BICC1: variants seen among roughly 807,000 people sequenced by gnomAD.
BICC1 encodes BicC family RNA binding protein 1, also known as protein bicaudal C homolog 1.
Under a neutral mutation model 111.0 loss-of-function variants are expected in BICC1, and 43 were observed. The ratio of observed to expected loss-of-function variants is 0.39; its 90% CI spans 0.30 to 0.50. The LOEUF (loss-of-function observed/expected upper bound fraction) is 0.50, where lower values mean the gene tolerates loss of function less well. Among genes scored for constraint, BICC1 ranks in the 20% least tolerant of loss-of-function variants. The pLI is 0.88. For synonymous variants in BICC1, 467 were observed against 434.4 expected (o/e 1.07, Z -0.93); for missense variants, 1,091 against 1,203.2 (o/e 0.91, Z 1.38).
intron 3 of BICC1, among the ~76,000 whole-genome samples, chr10:58,761,477 T>A (rs1186167922): frequency 1.3e-5 from 2 of 152,194 alleles, no homozygotes; most frequent in African/African-American, 4.8e-5. Context: ...TTTTTAGAGA[T>A]GGTTTATTGT....
At chr10:58,610,867 T>C (rs960531361) in intron 1 of BICC1, among the ~76,000 whole-genome samples, 13 of 152,192 alleles carry the variant, frequency 8.5e-5, no homozygotes, top group Admixed American at 5.9e-4. Flanking sequence ...CTAGATTGTT[T>C]ACTGTTTTCA....
chr10:58,548,476 A>T (rs1281284612), intron 1 of BICC1, among the ~76,000 whole-genome samples: 1 of 152,142 alleles, frequency 6.6e-6, no homozygotes, highest in Non-Finnish European at 1.5e-5. Context: ...TCCATCTTGG[A>T]TTCTCCAACC....
intron 1 of BICC1, among the ~76,000 whole-genome samples, chr10:58,594,348 G>A (rs1039184548): frequency 3.3e-5 from 5 of 151,990 alleles, no homozygotes; most frequent in African/African-American, 7.2e-5. Flanking sequence ...AAGACAGGTC[G>A]ACATTCAAAT....
At chr10:58,714,527 C>T (rs772968346) in intron 3 of BICC1, among the ~76,000 whole-genome samples, 14 of 152,168 alleles carry the variant, frequency 9.2e-5, no homozygotes, top group Non-Finnish European at 1.8e-4. Flanking sequence ...TGCTGGGGGA[C>T]AGACCTTCTA....
chr10:58,611,840 A>G (rs936625264), intron 1 of BICC1, among the ~76,000 whole-genome samples: 15 of 152,128 alleles, frequency 9.9e-5, no homozygotes, highest in African/African-American at 4.8e-5. Flanking sequence ...TGCATTTTTG[A>G]CCATGGGAAT....
chr10:58,823,790 G>A, intron 20 of BICC1: 1 of 985,234 alleles, frequency 1.0e-6, no homozygotes, highest in Non-Finnish European at 1.2e-6. Flanking sequence ...AACTTTTCCA[G>A]GCTGTGTACT....
intron 1 of BICC1, among the ~76,000 whole-genome samples, chr10:58,555,352 A>C (rs57485856): frequency 2.0e-4 from 27 of 133,252 alleles, no homozygotes; most frequent in African/African-American, 6.9e-4. Flanking sequence ...TGACCCTAGG[A>C]CGTAAGCAGC....
intron 1 of BICC1, among the ~76,000 whole-genome samples, chr10:58,543,835 A>T (rs1441684602): frequency 0.012 from 565 of 45,754 alleles, 1 homozygote; most frequent in Non-Finnish European, 0.024. Flanking sequence ...ACCATAATTA[A>T]AAAAAAAAAA....
At chr10:58,527,178 G>A (rs1342498836) in intron 1 of BICC1, among the ~76,000 whole-genome samples, 64 of 152,230 alleles carry the variant, frequency 4.2e-4, no homozygotes, top group African/African-American at 1.4e-3. Flanking sequence ...CTGATGGCCA[G>A]TGATGATGAA....
At chr10:58,784,727 G>A (rs372889497) in intron 3 of BICC1, among the ~76,000 whole-genome samples, 22 of 152,050 alleles carry the variant, frequency 1.4e-4, no homozygotes, top group African/African-American at 3.4e-4. Context: ...TTGCAATTAC[G>A]TGATATACTT....
chr10:58,720,716 A>G (rs547858450), intron 3 of BICC1, among the ~76,000 whole-genome samples: 1 of 152,246 alleles, frequency 6.6e-6, no homozygotes, highest in Non-Finnish European at 1.5e-5. Context: ...CCTTGTGAGA[A>G]CTCATCTACA....
chr10:58,763,483 T>A (rs143832860), intron 3 of BICC1, among the ~76,000 whole-genome samples: 1 of 152,186 alleles, frequency 6.6e-6, no homozygotes, highest in East Asian at 1.9e-4. Flanking sequence ...ATTACTATAT[T>A]TGAAGGAAAA....
intron 2 of BICC1, among the ~76,000 whole-genome samples, chr10:58,631,220 A>T (rs1264526310): frequency 6.6e-6 from 1 of 152,118 alleles, no homozygotes; most frequent in African/African-American, 2.4e-5. Flanking sequence ...ATGGCAGATA[A>T]ATATTTTCTA....
At chr10:58,540,639 C>T (rs1010141579) in intron 1 of BICC1, among the ~76,000 whole-genome samples, 1 of 151,928 alleles carries the variant, frequency 6.6e-6, no homozygotes, top group Non-Finnish European at 1.5e-5. Flanking sequence ...TGACAAAAGC[C>T]CAGGACCAGA....
At chr10:58,756,464 A>G (rs1228579857) in intron 3 of BICC1, among the ~76,000 whole-genome samples, 3 of 152,112 alleles carry the variant, frequency 2.0e-5, no homozygotes, top group Admixed American at 2.0e-4. Flanking sequence ...TCTTATATTT[A>G]GGACCAGTTT....
intron 2 of BICC1, among the ~76,000 whole-genome samples, chr10:58,633,846 T>A (rs1022167057): frequency 6.6e-6 from 1 of 152,114 alleles, no homozygotes; most frequent in Non-Finnish European, 1.5e-5. Flanking sequence ...TTTAGCACAC[T>A]CTGGTATTAG....
chr10:58,805,192 C>T (rs1823868378), intron 15 of BICC1, among the ~76,000 whole-genome samples: 1 of 152,046 alleles, frequency 6.6e-6, no homozygotes, highest in Non-Finnish European at 1.5e-5. Flanking sequence ...ACTTGGGAGG[C>T]CGAGATAGAA....
intron 1 of BICC1, among the ~76,000 whole-genome samples, chr10:58,518,823 C>T (rs1220312851): frequency 1.3e-5 from 2 of 152,152 alleles, no homozygotes; most frequent in Non-Finnish European, 2.9e-5. Context: ...CGTAGAGTTC[C>T]GTGAGGATGC....
chr10:58,542,935 A>G (rs1843034502), intron 1 of BICC1, among the ~76,000 whole-genome samples: 1 of 152,112 alleles, frequency 6.6e-6, no homozygotes, highest in African/African-American at 2.4e-5. Context: ...ATGTAAAGTG[A>G]TGCCACTAGG....
Sources: allele counts gnomAD v4.1 joint callset (sites outside exome capture counted in the v4.1 genomes callset), GRCh38; gene constraint gnomAD v4.1.1; transcripts MANE v1.5; gene names NCBI Gene and HGNC (gene_info 2026-07-23, HGNC 2026-07-21).